Variants in GSK3B observed in about 807,000 individuals in gnomAD.
GSK3B encodes the protein glycogen synthase kinase-3 beta.
GSK3B carries 15 observed loss-of-function variants against 56.4 expected under a neutral mutation model. That is an observed-to-expected ratio of 0.27 (90% confidence interval 0.18 to 0.41). The LOEUF (loss-of-function observed/expected upper bound fraction) is 0.41, where lower values mean the gene tolerates loss of function less well. Ranked by LOEUF, GSK3B falls within the 10% of genes least tolerant of loss-of-function variation. GSK3B has a pLI of 1.00. For missense variants in GSK3B, 300 were observed against 513.4 expected, an observed-to-expected ratio of 0.58 and a Z score of 4.02; for synonymous variants, 181 against 188.9, an observed-to-expected ratio of 0.96 and a Z score of 0.34.
chr3:120,087,042 C>T (rs2058469052), intron 1 of GSK3B, among the ~76,000 whole-genome samples: 1 of 152,084 alleles, frequency 6.6e-6, no homozygotes, highest in South Asian at 2.1e-4. Context: ...TAAATAATAA[C>T]AAGGAACCGT....
intron 1 of GSK3B, among the ~76,000 whole-genome samples, chr3:120,003,847 T>C (rs561178719): frequency 1.3e-5 from 2 of 152,356 alleles, no homozygotes; most frequent in South Asian, 2.1e-4. Context: ...ACACAGGTGA[T>C]TTCTGCATTT....
chr3:119,922,247 A>AAGGAAGGAAGGC (rs2056850009), intron 4 of GSK3B, among the ~76,000 whole-genome samples: 2 of 139,924 alleles, frequency 1.4e-5, no homozygotes, highest in Non-Finnish European at 3.1e-5. Flanking sequence ...GGAAGGAAGG[A>AAGGAAGGAAGGC]AGGAAGGAAG....
At chr3:119,903,725 A>T (rs758052793) in intron 7 of GSK3B, among the ~76,000 whole-genome samples, 1 of 152,226 alleles carries the variant, frequency 6.6e-6, no homozygotes, top group Non-Finnish European at 1.5e-5. Context: ...ATTAAAATTA[A>T]TGACAAATCG....
chr3:119,918,074 A>G (rs2056799351), intron 4 of GSK3B, among the ~76,000 whole-genome samples: 2 of 152,180 alleles, frequency 1.3e-5, no homozygotes, highest in African/African-American at 4.8e-5. Flanking sequence ...TATCACACAC[A>G]CACAATATTC....
At chr3:119,914,196 C>G (rs2056760740) in intron 5 of GSK3B, among the ~76,000 whole-genome samples, 2 of 151,834 alleles carry the variant, frequency 1.3e-5, no homozygotes, top group Admixed American at 1.3e-4. Context: ...TTTTTGGCCC[C>G]TTTTCATCTA....
At chr3:119,949,115 G>A (rs2057130189) in intron 2 of GSK3B, among the ~76,000 whole-genome samples, 1 of 152,020 alleles carries the variant, frequency 6.6e-6, no homozygotes, top group South Asian at 2.1e-4. Context: ...TTTTAACATA[G>A]CCAACTATGT....
intron 3 of GSK3B, among the ~76,000 whole-genome samples, chr3:119,925,487 C>A (rs2056881625): frequency 6.6e-6 from 1 of 152,170 alleles, no homozygotes; most frequent in Non-Finnish European, 1.5e-5. Flanking sequence ...ACTAACCTAC[C>A]AGCATCTATC....
At chr3:119,841,038 C>A (rs1384146432) in intron 10 of GSK3B, among the ~76,000 whole-genome samples, 2 of 152,128 alleles carry the variant, frequency 1.3e-5, no homozygotes, top group African/African-American at 4.8e-5. Flanking sequence ...TTAAGGTACT[C>A]AAGGCATGCA....
chr3:120,086,079 TATTCATA>T (rs535802485), intron 1 of GSK3B, among the ~76,000 whole-genome samples: 65 of 152,102 alleles, frequency 4.3e-4, no homozygotes, highest in South Asian at 1.2e-3. Context: ...TCTACATAGC[TATTCATA>T]ATTCATAAGA....
At chr3:120,024,215 G>T (rs544227130) in intron 1 of GSK3B, among the ~76,000 whole-genome samples, 1 of 151,930 alleles carries the variant, frequency 6.6e-6, no homozygotes, top group Non-Finnish European at 1.5e-5. Flanking sequence ...ACACACCAGT[G>T]GTCCCAGCTA....
chr3:119,952,564 C>T (rs1171727710), intron 2 of GSK3B, among the ~76,000 whole-genome samples: 1 of 143,232 alleles, frequency 7.0e-6, no homozygotes, highest in African/African-American at 2.6e-5. Context: ...ACACAGGGAT[C>T]AACATCTAAG....
intron 1 of GSK3B, among the ~76,000 whole-genome samples, chr3:120,007,415 C>G (rs950769312): frequency 2.0e-5 from 3 of 152,138 alleles, no homozygotes; most frequent in African/African-American, 7.2e-5. Flanking sequence ...TTTTATGAGG[C>G]TAGCATCATC....
At chr3:119,885,126 T>C (rs1327017898) in intron 7 of GSK3B, among the ~76,000 whole-genome samples, 1 of 152,050 alleles carries the variant, frequency 6.6e-6, no homozygotes, top group Non-Finnish European at 1.5e-5. Flanking sequence ...TTCCTGGAAC[T>C]GATAAATGCC....
chr3:120,005,531 T>G (rs149160013), intron 1 of GSK3B, among the ~76,000 whole-genome samples: 1 of 152,202 alleles, frequency 6.6e-6, no homozygotes, highest in Admixed American at 6.5e-5. Context: ...CAGAGAAAGG[T>G]TGGGTTACCC....
intron 8 of GSK3B, among the ~76,000 whole-genome samples, chr3:119,874,785 A>G (rs981097419): frequency 1.3e-5 from 2 of 152,100 alleles, no homozygotes; most frequent in Non-Finnish European, 2.9e-5. Flanking sequence ...TACTGTTGGC[A>G]TTTTGGAATA....
chr3:119,929,041 A>C (rs2107471934), intron 3 of GSK3B, among the ~76,000 whole-genome samples: 1 of 152,368 alleles, frequency 6.6e-6, no homozygotes, highest in Middle Eastern at 3.4e-3. Context: ...AAAGAAATGT[A>C]AGCTGAATGA....
Position 119,862,768 on chromosome 3 carries a change from C to G in GSK3B, c.1096+651G>C, listed in dbSNP as rs1458813303. The stretch of plus-strand genomic sequence containing the variant: ...GCGGTGTGACTGAATGAATGAATCA[C>G]TTAGGTCTTAATCAAGGAGAAAAGA... On this transcript the variant is annotated intron_variant, in intron 9 of 10. Coordinates refer to ENST00000264235, the MANE Select transcript of GSK3B (RefSeq NM_001146156.2). Among the ~76,000 whole-genome samples the G allele has an allele frequency of 2.7e-5, 4 of 146,472 alleles. No homozygotes were observed. In the East Asian group the frequency reaches 8.1e-4, roughly 30 times the overall value.
intron 1 of GSK3B, among the ~76,000 whole-genome samples, chr3:120,062,305 A>G (rs1413251565): frequency 6.6e-6 from 1 of 152,218 alleles, no homozygotes; most frequent in Non-Finnish European, 1.5e-5. Context: ...AGTATGTTAC[A>G]TGTACCACCT....
chr3:119,834,082 T>G (rs1166194471), intron 10 of GSK3B, among the ~76,000 whole-genome samples: 1 of 152,176 alleles, frequency 6.6e-6, no homozygotes, highest in Admixed American at 6.5e-5. Flanking sequence ...TGTTTCTACT[T>G]ATCAGGTATC....
Sources: allele counts gnomAD v4.1 joint callset (sites outside exome capture counted in the v4.1 genomes callset), GRCh38; gene constraint gnomAD v4.1.1; transcripts MANE v1.5; gene names NCBI Gene and HGNC (gene_info 2026-07-23, HGNC 2026-07-21).